CLASRP: variants seen among roughly 807,000 people sequenced by gnomAD.
The protein encoded by CLASRP is CLK4-associating serine/arginine rich protein.
In CLASRP, 52 loss-of-function variants were observed where a neutral mutation model predicts 99.9. That is an observed-to-expected ratio of 0.52 (90% confidence interval 0.42 to 0.66). The LOEUF is 0.66. Ranked by LOEUF, CLASRP falls within the 30% of genes least tolerant of loss-of-function variation. The pLI, the probability that CLASRP is intolerant of heterozygous loss-of-function variation, is 0.00. For synonymous variants in CLASRP, 379 were observed against 373.0 expected (o/e 1.02, Z -0.18); for missense variants, 848 against 999.2 (o/e 0.85, Z 2.04).
Position 45,062,137 on chromosome 19 carries a change from C to G in CLASRP, c.864-17C>G, listed in dbSNP as rs771807239. ...TCTTAAGCCCTAATTTGTCCCACCC[C>G]ATTCTTTTCTCTGTAGCTATGCCCG... On this transcript the variant is annotated splice_polypyrimidine_tract_variant and intron_variant, in intron 10 of 20. Transcript: ENST00000221455. 1.6e-5 allele frequency: 23 copies of G among 1,462,084 alleles called. No individual in the cohort carries two copies. In the Admixed American group the frequency reaches 3.9e-4, roughly 25 times the overall value. 90.6% of individuals were successfully genotyped at this position (1,462,084 alleles called of 1,614,324 possible).
intron 13 of CLASRP, among the ~76,000 whole-genome samples, chr19:45,064,874 G>C (rs923891096): frequency 7.2e-5 from 11 of 152,182 alleles, no homozygotes; most frequent in Non-Finnish European, 1.3e-4. Context: ...TCCACGACAG[G>C]GTGTGGAGAG....
intron 5 of CLASRP, 50 bp from the exon 6 acceptor site, chr19:45,056,400 T>C: frequency 6.4e-7 from 1 of 1,554,160 alleles, no homozygotes; most frequent in Non-Finnish European, 8.9e-7. Context: ...CCCCACTGAA[T>C]TCCTAGTGTC....
At chr19:45,070,397 G>T in intron 19 of CLASRP, 140 bp from the exon 20 acceptor site, 1 of 790,336 alleles carries the variant, frequency 1.3e-6, no homozygotes. Context: ...GGCACAGATG[G>T]CAGCCACTGG....
Position 45,067,704 on chromosome 19 carries a change from G to A in CLASRP, c.1667+110G>A, listed in dbSNP as rs1034185593. The stretch of plus-strand genomic sequence containing the variant: ...TAGCCCTACCCTGGGAGGTCTGGGG[G>A]GTGGTGTATGGCCCTGGCCTGGGAG... On this transcript the variant is annotated intron_variant, in intron 14 of 20. Transcript: ENST00000221455. The surrounding 1 kb of genome is among the most constrained non-coding windows in gnomAD (Gnocchi z 4.9). 4.3e-5 allele frequency: 45 copies of A among 1,044,230 alleles called. 3 individuals carry two copies. The South Asian group carries it at 5.8e-4, about 14-fold the overall frequency. 64.7% of individuals were successfully genotyped at this position (1,044,230 alleles called of 1,614,324 possible).
intron 13 of CLASRP, among the ~76,000 whole-genome samples, chr19:45,066,271 C>T (rs1213301833): frequency 6.6e-6 from 1 of 151,938 alleles, no homozygotes; most frequent in Non-Finnish European, 1.5e-5. Context: ...AGGCATGCGC[C>T]ACCACACCTG....
Position 45,064,510 on chromosome 19 carries a change from GGCGCTATTCCCGGTCCCGTAGCCGTGGCC to G in CLASRP, c.1291_1319del (p.Arg431AlafsTer52). Reference sequence around the variant, plus strand: ...TGGTCCCGCTCCCGCTCCCGCTCCCGGCGCTATTCCCGGTCCCGTAGCCGTGGCCGGCGGCACTCAGGTGGGGGCTCCCG... The same window carrying G: ...TGGTCCCGCTCCCGCTCCCGCTCCCGGGCGGCACTCAGGTGGGGGCTCCCG... On this transcript the variant is annotated frameshift_variant, in exon 13 of 21. Transcript: ENST00000221455. LOFTEE classifies it high-confidence loss of function. 6.5e-7 allele frequency: 1 copy of G among 1,537,056 alleles called. No individual in the cohort carries two copies. Among genetic ancestry groups the G allele is most frequent in the Non-Finnish European group, 8.7e-7 (1 of 1,146,094 alleles).
chr19:45,068,322 C>A (rs1450202252), intron 15 of CLASRP, 98 bp from the exon 16 acceptor site: 251 of 316,844 alleles, frequency 7.9e-4, no homozygotes, highest in South Asian at 1.1e-3. Context: ...CCCCCCCCCA[C>A]CCCCCCCCCG....
In CLASRP at chr19:45,067,119, G is replaced by C. The variant is rs569076914; in HGVS notation, c.1410-218G>C. On this transcript the variant is annotated intron_variant, in intron 13 of 20. Coordinates refer to ENST00000221455, the MANE Select transcript of CLASRP (RefSeq NM_007056.3). This position sits in a 1 kb window ranked among gnomAD's most constrained non-coding sequence, Gnocchi z 4.9. ...AGGCAGGGCTCATGATGGCAGGACT[G>C]CCCTTAGGCTGAGTGTATCTAGAGC... Among the ~76,000 whole-genome samples the C allele has an allele frequency of 6.6e-6, 1 of 152,350 alleles. No homozygotes were observed. Among genetic ancestry groups the C allele is most frequent in the South Asian group, 2.1e-4 (1 of 4,828 alleles).
chr19:45,067,326 T>C lies in CLASRP; in HGVS notation c.1410-11T>C. On this transcript the variant is annotated splice_polypyrimidine_tract_variant and intron_variant, in intron 13 of 20. Coordinates refer to ENST00000221455, the MANE Select transcript of CLASRP (RefSeq NM_007056.3). The surrounding 1 kb of genome is among the most constrained non-coding windows in gnomAD (Gnocchi z 4.9). ...CCTCACAGTCCTCCTCCCGCCCTGC[T>C]GCATCCCCAGGAGCCGCTCCCACTC... 6.7e-7 allele frequency: 1 copy of C among 1,497,710 alleles called. No individual in the cohort carries two copies. 92.8% of individuals were successfully genotyped at this position (1,497,710 alleles called of 1,614,324 possible). A position where few individuals can be genotyped will look rare whatever the true frequency, so the allele number is the denominator to read the frequency against.
At chr19:45,046,434 C>T (rs542139285) in intron 2 of CLASRP, among the ~76,000 whole-genome samples, 3 of 152,272 alleles carry the variant, frequency 2.0e-5, no homozygotes, top group South Asian at 2.1e-4. Flanking sequence ...GTAAACAGGT[C>T]GCAGCTCAGG....
At chr19:45,052,984 G>C in intron 4 of CLASRP, 92 bp downstream of exon 4, 1 of 1,523,208 alleles carries the variant, frequency 6.6e-7, no homozygotes, top group East Asian at 2.3e-5. Flanking sequence ...CCTAGGAGCC[G>C]TTCCTATTTG....
At chr19:45,059,819 C>G (rs1371661422) in intron 8 of CLASRP, among the ~76,000 whole-genome samples, 3 of 152,174 alleles carry the variant, frequency 2.0e-5, no homozygotes, top group East Asian at 3.9e-4. Flanking sequence ...TGCCCAGAGC[C>G]CTTTGTGGCT....
chr19:45,040,336 G>A lies in CLASRP; in HGVS notation c.99+25G>A, dbSNP rs976155536. On this transcript the variant is annotated intron_variant, in intron 2 of 20. Coordinates refer to ENST00000221455, the MANE Select transcript of CLASRP (RefSeq NM_007056.3). ...CGTGAGTAACTGGCCTTTTGTCTGG[G>A]GTGAGGGACCCTGGGTTGGGGGGCA... The A allele has an allele frequency of 3.2e-6, 5 of 1,549,900 alleles. No homozygotes were observed. The Admixed American group carries it at 9.2e-5, about 29-fold the overall frequency.
chr19:45,047,568 GAAAA>G (rs1197066757), intron 2 of CLASRP: 1 of 149,944 alleles, frequency 6.7e-6, no homozygotes, highest in African/African-American at 2.5e-5. Flanking sequence ...TTTTGGTAAA[GAAAA>G]AAAAACCTAA....
chr19:45,067,457 CAGCCGCAGCCAT>C lies in CLASRP; in HGVS notation c.1535_1546del (p.Arg512_Ser515del), dbSNP rs756363434. On this transcript the variant is annotated inframe_deletion, in exon 14 of 21. Transcript: ENST00000221455. This position sits in a 1 kb window ranked among gnomAD's most constrained non-coding sequence, Gnocchi z 4.9. ...CGTCCCGCAGTCGCAGCCTGACTCG[CAGCCGCAGCCAT>C]AGCCCCAGCCCCAGCCAGAGCCGCA... 7 of 1,548,794 alleles carry C rather than the reference CAGCCGCAGCCAT, an allele frequency of 4.5e-6. No homozygotes were observed. In the East Asian group the frequency reaches 1.4e-4, roughly 32 times the overall value.
At chr19:45,069,375 G>T in intron 18 of CLASRP, 127 bp downstream of exon 18, 1 of 914,222 alleles carries the variant, frequency 1.1e-6, no homozygotes, top group Non-Finnish European at 1.7e-6. Context: ...ATCCCTGCCT[G>T]GCCCTCGGGG....
At chr19:45,061,551 C>T (rs1966939255) in intron 10 of CLASRP, among the ~76,000 whole-genome samples, 1 of 152,102 alleles carries the variant, frequency 6.6e-6, no homozygotes, top group Non-Finnish European at 1.5e-5. Flanking sequence ...TCACTGCAGC[C>T]TCAAATTCCT....
chr19:45,064,647 G>T lies in CLASRP; in HGVS notation c.1409+17G>T. ...CAGAAGCAGGTGTGTGTGGCTGGGC[G>T]TGGAGGTGGGAGGGGCTGGGGGGGC... On this transcript the variant is annotated intron_variant, in intron 13 of 20. Coordinates refer to ENST00000221455, the MANE Select transcript of CLASRP (RefSeq NM_007056.3). The T allele has an allele frequency of 6.5e-7, 1 of 1,536,552 alleles. No individual in the cohort carries two copies. The highest frequency in any genetic ancestry group is 8.7e-7 in the Non-Finnish European group (1 of 1,146,704).
At position 45,064,465 on chromosome 19, in the gene CLASRP, C is replaced by A. The variant is rs374887088; in HGVS notation, c.1244C>A (p.Ala415Asp). The A allele has an allele frequency of 3.9e-4, 604 of 1,530,706 alleles. 3 individuals carry two copies. In the Middle Eastern group the frequency reaches 6.9e-3, roughly 17 times the overall value. The allele number at this position is 1,530,706 out of a possible 1,614,324, so 94.8% of individuals were successfully genotyped here. The change falls in exon 13 of 21, where the codon GCC becomes GAC. Residue 415 changes from alanine (A) to aspartate (D), a missense_variant. This residue lies in a region of CLASRP where 489 missense variants were observed against 434.7 expected (regional missense o/e 1.12). Transcript: ENST00000221455. ...GGGYYRSGRH[A>D]RSRSRSWSRS... The stretch of plus-strand genomic sequence containing the variant: ...GGCTACTACCGTTCCGGCCGCCACG[C>A]CCGCTCCCGGTCCCGCTCCTGGTCC...
Sources: gnomAD v4.1 joint callset for allele counts (sites outside exome capture counted in the v4.1 genomes callset) on GRCh38, gnomAD v4.1.1 for gene constraint, gnomAD v4.1.1 regional missense constraint, Gnocchi (gnomAD v3.1) non-coding constraint, MANE v1.5 for transcripts, NCBI Gene and HGNC (gene_info 2026-07-23, HGNC 2026-07-21) for gene names.